Variants in DPP9 observed in about 807,000 individuals in gnomAD.
The protein encoded by DPP9 is dipeptidyl peptidase 9.
Under a neutral mutation model 110.7 loss-of-function variants are expected in DPP9, and 50 were observed. The observed-to-expected ratio is 0.45, with a 90% CI of 0.36 to 0.57. The LOEUF is 0.57. DPP9 is among the 20% of genes least tolerant of loss of function. The probability of loss-of-function intolerance (pLI) is 0.00; values close to 1 mark genes in which losing one functional copy is unlikely to be tolerated. For missense variants in DPP9, 1,022 were observed against 1,217.9 expected (o/e 0.84, Z 2.39); for synonymous variants, 561 against 514.4 (o/e 1.09, Z -1.23).
Position 4,700,569 on chromosome 19 carries a change from G to C in DPP9, c.1013-292C>G, listed in dbSNP as rs1297210510. Among the ~76,000 whole-genome samples the C allele has an allele frequency of 6.6e-6, 1 of 152,210 alleles. No homozygotes were observed. The highest frequency in any genetic ancestry group is 1.5e-5 in the Non-Finnish European group (1 of 68,036). ...AAACACGGGCCACACCCTGTGCTGA[G>C]AGCTGGGGCTTGTAGGGGCCGCAGA... On this transcript the variant is annotated intron_variant, in intron 9 of 21. Coordinates refer to ENST00000262960, the MANE Select transcript of DPP9 (RefSeq NM_139159.5). The surrounding 1 kb of genome is among the most constrained non-coding windows in gnomAD (Gnocchi z 4.3).
intron 1 of DPP9, among the ~76,000 whole-genome samples, chr19:4,723,326 G>A (rs1599973711): frequency 6.6e-6 from 1 of 152,206 alleles, no homozygotes; most frequent in Non-Finnish European, 1.5e-5. Flanking sequence ...GGGTGTCAAG[G>A]TCTGCAGCTA....
chr19:4,704,407 C>G lies in DPP9; in HGVS notation c.427-103G>C. 7.2e-7 allele frequency: 1 copy of G among 1,386,812 alleles called. No individual in the cohort carries two copies. Among genetic ancestry groups the G allele is most frequent in the Non-Finnish European group, 9.9e-7 (1 of 1,015,162 alleles). The allele number at this position is 1,386,812 out of a possible 1,614,324, so 85.9% of individuals were successfully genotyped here. On this transcript the variant is annotated intron_variant, in intron 5 of 21. Coordinates refer to ENST00000262960, the MANE Select transcript of DPP9 (RefSeq NM_139159.5). The surrounding 1 kb of genome is among the most constrained non-coding windows in gnomAD (Gnocchi z 6.0). ...GCTGGGGCATTCCCAGGGAATCTGA[C>G]TTCGGGCCTCGCCAGAGAGAACTTC...
chr19:4,704,722 C>A lies in DPP9; in HGVS notation c.427-418G>T, dbSNP rs1457719950. 1.3e-5 allele frequency among the ~76,000 whole-genome samples: 2 copies of A among 152,224 alleles called. No homozygotes were observed. The highest frequency in any genetic ancestry group is 2.9e-5 in the Non-Finnish European group (2 of 68,042). ...CTCCTACCCTATTCACAATCCCTTC[C>A]CATCAAGAGCTTTCAATTTCGTAAT... On this transcript the variant is annotated intron_variant, in intron 5 of 21. Coordinates refer to ENST00000262960, the MANE Select transcript of DPP9 (RefSeq NM_139159.5). This position sits in a 1 kb window ranked among gnomAD's most constrained non-coding sequence, Gnocchi z 6.0.
At position 4,719,667 on chromosome 19, in the gene DPP9, C is replaced by T. The variant is rs188970805; in HGVS notation, c.56+184G>A. The T allele has an allele frequency of 1.5e-4, 107 of 702,648 alleles. No individual in the cohort carries two copies. The East Asian group carries it at 1.7e-3, about 11-fold the overall frequency. The allele number at this position is 702,648 out of a possible 1,614,324, so 43.5% of individuals were successfully genotyped here. ...ATTCCAGCCCCAGCGTCCACAGTGC[C>T]GAGGGGGAGACCCCGCACTACGCCA... On this transcript the variant is annotated intron_variant, in intron 3 of 21. Transcript: ENST00000262960.
intron 11 of DPP9, among the ~76,000 whole-genome samples, chr19:4,696,190 C>T (rs1599902145): frequency 6.6e-6 from 1 of 152,090 alleles, no homozygotes; most frequent in Admixed American, 6.6e-5. Context: ...CGTGAGCCAC[C>T]GCACCTGGCC....
rs933274344 is a variant in DPP9, at chr19:4,682,570, C to G, written c.2474+126G>C. ...CCACCACAGGAGCACAGCGGGGAGG[C>G]TCCACATGGCCTGAGGCTCCCTGGG... On this transcript the variant is annotated intron_variant, in intron 20 of 21. Coordinates refer to ENST00000262960, the MANE Select transcript of DPP9 (RefSeq NM_139159.5). The surrounding 1 kb of genome is among the most constrained non-coding windows in gnomAD (Gnocchi z 7.1). 14 of 1,395,328 alleles carry G rather than the reference C, an allele frequency of 1.0e-5. No individual in the cohort carries two copies. The highest frequency in any genetic ancestry group is 1.4e-5 in the African/African-American group (1 of 70,258). The allele number at this position is 1,395,328 out of a possible 1,614,324, so 86.4% of individuals were successfully genotyped here. A position where few individuals can be genotyped will look rare whatever the true frequency, so the allele number is the denominator to read the frequency against.
At position 4,702,060 on chromosome 19, in the gene DPP9, T is replaced by G. The variant is rs1327617493; in HGVS notation, c.979A>C (p.Arg327=). The change falls in exon 9 of 22, where the codon AGG becomes CGG. Residue 327 remains arginine (R), a synonymous_variant. Coordinates refer to ENST00000262960, the MANE Select transcript of DPP9 (RefSeq NM_139159.5). ...GGGTACCGATACGAGTCCGTCTTCC[T>G]TTCTTCTAGCGCAGGAGAGGGGACG... is the stretch of plus-strand genomic sequence containing the variant. ...IHVPSPALEE[R]KTDSYRYPRT... is the part of the protein sequence containing the mutation. The G allele has an allele frequency of 6.2e-7, 1 of 1,613,854 alleles. No homozygotes were observed. Among genetic ancestry groups the G allele is most frequent in the Non-Finnish European group, 8.5e-7 (1 of 1,179,866 alleles).
rs549829193 is a variant in DPP9 at position 4,698,474 on chromosome 19, A to T, written c.1075-823T>A. Among the ~76,000 whole-genome samples, 2 of 152,310 alleles carry T rather than the reference A, an allele frequency of 1.3e-5. No individual in the cohort carries two copies. Among genetic ancestry groups the T allele is most frequent in the South Asian group, 4.1e-4 (2 of 4,826 alleles). ...GCCACTAAAACAGCCTGGCGGGGCC[A>T]GGTGCGGTGGCTCACACCTGTAATC... On this transcript the variant is annotated intron_variant, in intron 10 of 21. Coordinates refer to ENST00000262960, the MANE Select transcript of DPP9 (RefSeq NM_139159.5). The surrounding 1 kb of genome is among the most constrained non-coding windows in gnomAD (Gnocchi z 4.2).
chr19:4,690,776 T>C, intron 14 of DPP9, 102 bp downstream of exon 14: 1 of 893,306 alleles, frequency 1.1e-6, no homozygotes, highest in Non-Finnish European at 1.8e-6. Context: ...TGAGTATGTG[T>C]GTGAGTGTAT....
rs1185193547 is a variant in DPP9 at position 4,700,222 on chromosome 19, C to G, written c.1068G>C (p.Gln356His). 3 of 1,584,888 alleles carry G rather than the reference C, an allele frequency of 1.9e-6. No individual in the cohort carries two copies. In the South Asian group the frequency reaches 3.4e-5, roughly 18 times the overall value. ...LKLAEFQTDS[Q>H]GKIVSTQEKE... ...ATGCAGCAGGCCCCCTTACCTTGCC[C>G]TGGCTGTCAGTCTGGAACTCAGCCA... The change falls in exon 10 of 22, where the codon CAG (glutamine) becomes CAC (histidine). Residue 356 changes from glutamine (Q) to histidine (H), a missense_variant. This residue lies in a region of DPP9 where 810 missense variants were observed against 920.6 expected (regional missense o/e 0.88). Coordinates refer to ENST00000262960, the MANE Select transcript of DPP9 (RefSeq NM_139159.5). This position sits in a 1 kb window ranked among gnomAD's most constrained non-coding sequence, Gnocchi z 4.3.
chr19:4,703,866 A>G lies in DPP9; in HGVS notation c.769+20T>C. The G allele has an allele frequency of 6.3e-7, 1 of 1,588,494 alleles. No homozygotes were observed. On this transcript the variant is annotated intron_variant, in intron 7 of 21. Coordinates refer to ENST00000262960, the MANE Select transcript of DPP9 (RefSeq NM_139159.5). The stretch of plus-strand genomic sequence containing the variant: ...GGCCAGGTGGCTATGGTGGCCGTGC[A>G]CAGGAGGGGCTGGCCCCACCTTGGT...
Position 4,693,189 on chromosome 19 carries a change from C to T in DPP9, c.1516+1472G>A, listed in dbSNP as rs1213914176. ...GGATGCCACTTGGTGCACAGGATGGCCCCGCCCCAGAGAACCACCCGGCCC... is the reference window on the plus strand; with the variant it reads ...GGATGCCACTTGGTGCACAGGATGGTCCCGCCCCAGAGAACCACCCGGCCC... On this transcript the variant is annotated intron_variant, in intron 13 of 21. Coordinates refer to ENST00000262960, the MANE Select transcript of DPP9 (RefSeq NM_139159.5). This position sits in a 1 kb window ranked among gnomAD's most constrained non-coding sequence, Gnocchi z 5.0. 2.0e-5 allele frequency among the ~76,000 whole-genome samples: 3 copies of T among 152,126 alleles called. No homozygotes were observed. Among genetic ancestry groups the T allele is most frequent in the African/African-American group, 7.2e-5 (3 of 41,456 alleles).
rs1434901699 is a variant in DPP9, at chr19:4,685,600, G to T, written c.2031+26C>A. On this transcript the variant is annotated intron_variant, in intron 17 of 21. Transcript: ENST00000262960. The surrounding 1 kb of genome is among the most constrained non-coding windows in gnomAD (Gnocchi z 5.8). ...GTCCTCGGGTGGATGGTGGGGTGGG[G>T]GCCTGGGGAGCAGGTGTGCACTCAC... The T allele has an allele frequency of 6.3e-7, 1 of 1,585,576 alleles. No individual in the cohort carries two copies. Among genetic ancestry groups the T allele is most frequent in the Non-Finnish European group, 8.6e-7 (1 of 1,166,928 alleles).
At chr19:4,677,502 G>A (rs1189025828) in intron 21 of DPP9, among the ~76,000 whole-genome samples, 1 of 152,148 alleles carries the variant, frequency 6.6e-6, no homozygotes, top group Non-Finnish European at 1.5e-5. Context: ...CATCACCCTG[G>A]GAATGCACCA....
chr19:4,703,107 C>A (rs150988643), intron 7 of DPP9, among the ~76,000 whole-genome samples: 1 of 151,056 alleles, frequency 6.6e-6, no homozygotes, highest in Non-Finnish European at 1.5e-5. Context: ...GCTTATGGGA[C>A]GGAGAGGCAG....
intron 20 of DPP9, among the ~76,000 whole-genome samples, chr19:4,680,386 C>T (rs1297944979): frequency 6.6e-6 from 1 of 150,962 alleles, no homozygotes; most frequent in Non-Finnish European, 1.5e-5. Context: ...GCCTGGGTGA[C>T]AGAGCAAGAC....
At position 4,698,429 on chromosome 19, in the gene DPP9, C is replaced by G. The variant is rs2091975874; in HGVS notation, c.1075-778G>C. On this transcript the variant is annotated intron_variant, in intron 10 of 21. Transcript: ENST00000262960. The surrounding 1 kb of genome is among the most constrained non-coding windows in gnomAD (Gnocchi z 4.2). The stretch of plus-strand genomic sequence containing the variant: ...CACCCCAGCCCACCTAAGGACTCTG[C>G]ACGTCTGAGAGTGCAAGGAGCCACT... 6.6e-6 allele frequency among the ~76,000 whole-genome samples: 1 copy of G among 152,080 alleles called. No individual in the cohort carries two copies. Among genetic ancestry groups the G allele is most frequent in the African/African-American group, 2.4e-5 (1 of 41,352 alleles).
Position 4,700,332 on chromosome 19 carries a change from GAGCC to G in DPP9, c.1013-59_1013-56del. ...GGCAGGCATCACCCGTGTGTGCCGAGAGCCGGCACGGGGGGCCTGGGCTGTGGGG... is the reference window on the plus strand; with the variant it reads ...GGCAGGCATCACCCGTGTGTGCCGAGGGCACGGGGGGCCTGGGCTGTGGGG... On this transcript the variant is annotated intron_variant, in intron 9 of 21. Coordinates refer to ENST00000262960, the MANE Select transcript of DPP9 (RefSeq NM_139159.5). This position sits in a 1 kb window ranked among gnomAD's most constrained non-coding sequence, Gnocchi z 4.3. The G allele has an allele frequency of 6.8e-7, 1 of 1,480,118 alleles. No homozygotes were observed. Among genetic ancestry groups the G allele is most frequent in the Non-Finnish European group, 9.2e-7 (1 of 1,083,776 alleles). The allele number at this position is 1,480,118 out of a possible 1,614,324, so 91.7% of individuals were successfully genotyped here. A position where few individuals can be genotyped will look rare whatever the true frequency, so the allele number is the denominator to read the frequency against.
chr19:4,715,116 A>T (rs12979566), intron 3 of DPP9, among the ~76,000 whole-genome samples: 112,851 of 145,558 alleles, frequency 0.78, 44,037 homozygotes, highest in African/African-American at 0.89. Flanking sequence ...GCCTCTTAGG[A>T]TCAAGCGATT....
Sources: allele counts gnomAD v4.1 joint callset (sites outside exome capture counted in the v4.1 genomes callset), GRCh38; gene constraint gnomAD v4.1.1; regional missense constraint gnomAD v4.1.1; non-coding constraint Gnocchi (gnomAD v3.1); transcripts MANE v1.5; gene names NCBI Gene and HGNC (gene_info 2026-07-23, HGNC 2026-07-21).